Variants in ZBTB20 observed in about 807,000 individuals in gnomAD.
The protein encoded by ZBTB20 is zinc finger and BTB domain containing 20, also known as zinc finger and BTB domain-containing protein 20.
ZBTB20 carries 9 observed loss-of-function variants against 56.9 expected under a neutral mutation model. The observed-to-expected ratio is 0.16, with a 90% CI of 0.10 to 0.28. The LOEUF (loss-of-function observed/expected upper bound fraction) is 0.28. Among genes scored for constraint, ZBTB20 ranks in the 10% least tolerant of loss-of-function variants. The pLI is 1.00. For missense variants in ZBTB20, 655 were observed against 1,003.0 expected (o/e 0.65, Z 4.69); for synonymous variants, 417 against 420.7 (o/e 0.99, Z 0.11).
chr3:114,674,954 A>G (rs2061547063), intron 6 of ZBTB20, among the ~76,000 whole-genome samples: 1 of 151,494 alleles, frequency 6.6e-6, no homozygotes, highest in Non-Finnish European at 1.5e-5. Context: ...AAGGTATCCT[A>G]TAAACTGCTT....
chr3:114,641,432 C>T (rs1023290191), intron 6 of ZBTB20, among the ~76,000 whole-genome samples: 2 of 151,426 alleles, frequency 1.3e-5, no homozygotes, highest in Non-Finnish European at 3.0e-5. Flanking sequence ...TAATATATAC[C>T]ACTTATATAG....
At chr3:115,097,876 T>C (rs538578211) in intron 1 of ZBTB20, among the ~76,000 whole-genome samples, 10 of 152,342 alleles carry the variant, frequency 6.6e-5, no homozygotes, top group Admixed American at 1.3e-4. Context: ...CTTCTGTATT[T>C]AGATTGTGAC....
intron 7 of ZBTB20, among the ~76,000 whole-genome samples, chr3:114,435,472 G>T: frequency 6.6e-6 from 1 of 152,140 alleles, no homozygotes. Context: ...ACAGCTAGTA[G>T]GGACTAAGCT....
chr3:114,543,363 G>C (rs1486267071), intron 6 of ZBTB20, among the ~76,000 whole-genome samples: 1 of 151,992 alleles, frequency 6.6e-6, no homozygotes, highest in Admixed American at 6.6e-5. Context: ...AATAATTTCT[G>C]AGTCCTTTTG....
chr3:115,145,959 A>G (rs2084952241), intron 1 of ZBTB20, among the ~76,000 whole-genome samples: 2 of 152,156 alleles, frequency 1.3e-5, no homozygotes, highest in South Asian at 4.1e-4. Flanking sequence ...AAATGTATAC[A>G]CCGCCACGCA....
At chr3:114,679,206 T>G (rs2061817207) in intron 6 of ZBTB20, among the ~76,000 whole-genome samples, 1 of 152,124 alleles carries the variant, frequency 6.6e-6, no homozygotes, top group Admixed American at 6.6e-5. Context: ...GCAATACCAT[T>G]CAGGACACAG....
chr3:115,142,444 C>T (rs761505070), intron 1 of ZBTB20, among the ~76,000 whole-genome samples: 11 of 152,024 alleles, frequency 7.2e-5, no homozygotes, highest in Admixed American at 5.9e-4. Flanking sequence ...AGGCAGATCA[C>T]GAGGTCAGGA....
At chr3:114,808,083 G>C (rs1425355307) in intron 4 of ZBTB20, among the ~76,000 whole-genome samples, 1 of 152,088 alleles carries the variant, frequency 6.6e-6, no homozygotes, top group Non-Finnish European at 1.5e-5. Context: ...CACCAGTGGA[G>C]TCATCTACAT....
chr3:114,471,923 C>T (rs2040175984), intron 7 of ZBTB20, among the ~76,000 whole-genome samples: 1 of 152,042 alleles, frequency 6.6e-6, no homozygotes, highest in Non-Finnish European at 1.5e-5. Context: ...AGTCAAGAAG[C>T]TGCAGTTTGA....
intron 5 of ZBTB20, among the ~76,000 whole-genome samples, chr3:114,724,477 C>G (rs2065134680): frequency 6.6e-6 from 1 of 152,136 alleles, no homozygotes; most frequent in Admixed American, 6.5e-5. Flanking sequence ...GACTTTATTT[C>G]AAATTCTGTT....
intron 6 of ZBTB20, among the ~76,000 whole-genome samples, chr3:114,516,471 G>A (rs373665433): frequency 1.3e-5 from 2 of 152,072 alleles, no homozygotes; most frequent in South Asian, 4.1e-4. Flanking sequence ...AGAAGCTGAG[G>A]TTTTCCAAAT....
chr3:114,892,064 C>G (rs1200562608), intron 4 of ZBTB20, among the ~76,000 whole-genome samples: 1 of 151,956 alleles, frequency 6.6e-6, no homozygotes, highest in Non-Finnish European at 1.5e-5. Flanking sequence ...AAAAAATATC[C>G]AAATCTGTGT....
chr3:115,007,089 A>G (rs1163845791), intron 2 of ZBTB20, among the ~76,000 whole-genome samples: 5 of 151,778 alleles, frequency 3.3e-5, no homozygotes, highest in Non-Finnish European at 7.4e-5. Flanking sequence ...ATTTCTTTCT[A>G]CTTCTCATTG....
At chr3:114,887,500 C>A (rs143996328) in intron 4 of ZBTB20, among the ~76,000 whole-genome samples, 22 of 152,144 alleles carry the variant, frequency 1.4e-4, no homozygotes, top group African/African-American at 5.3e-4. Flanking sequence ...AACTGATATG[C>A]TTTTAATAGG....
intron 2 of ZBTB20, among the ~76,000 whole-genome samples, chr3:114,988,091 C>CTTT (rs543706041): frequency 8.4e-6 from 1 of 118,834 alleles, no homozygotes; most frequent in African/African-American, 2.9e-5. Flanking sequence ...TATCCAGTTT[C>CTTT]TTTTTTTTTT....
At chr3:114,521,708 A>C (rs2046657291) in intron 6 of ZBTB20, among the ~76,000 whole-genome samples, 1 of 152,146 alleles carries the variant, frequency 6.6e-6, no homozygotes, top group African/African-American at 2.4e-5. Flanking sequence ...ACTGAATGAA[A>C]AAAAAGTTAA....
chr3:115,012,914 A>C (rs187138181), intron 2 of ZBTB20, among the ~76,000 whole-genome samples: 8 of 151,952 alleles, frequency 5.3e-5, no homozygotes, highest in Admixed American at 3.9e-4. Context: ...ACCAAGAGGA[A>C]TTCTGGAAAC....
intron 6 of ZBTB20, among the ~76,000 whole-genome samples, chr3:114,641,637 A>G (rs2059567123): frequency 6.6e-6 from 1 of 151,742 alleles, no homozygotes; most frequent in Admixed American, 6.6e-5. Flanking sequence ...TGTTTTTACT[A>G]GCTAAATTTT....
intron 2 of ZBTB20, among the ~76,000 whole-genome samples, chr3:115,020,615 A>C (rs2080164834): frequency 6.6e-6 from 1 of 151,014 alleles, no homozygotes; most frequent in Non-Finnish European, 1.5e-5. Context: ...GAGGATGATA[A>C]AAGATAAAAT....
Sources: allele counts gnomAD v4.1 joint callset (sites outside exome capture counted in the v4.1 genomes callset), GRCh38; gene constraint gnomAD v4.1.1; transcripts MANE v1.5; gene names NCBI Gene and HGNC (gene_info 2026-07-23, HGNC 2026-07-21).